Variants in ATPSCKMT observed in about 807,000 individuals in gnomAD.
ATPSCKMT encodes ATP synthase subunit C lysine N-methyltransferase.
Under a neutral mutation model 24.3 loss-of-function variants are expected in ATPSCKMT, and 24 were observed. That is an observed-to-expected ratio of 0.99 (90% CI 0.71 to 1.39). The LOEUF is 1.39. ATPSCKMT is among the 40% of genes most tolerant of loss of function. The pLI, the probability that ATPSCKMT is intolerant of heterozygous loss-of-function variation, is 0.00. For synonymous variants in ATPSCKMT, 95 were observed against 110.5 expected (o/e 0.86, Z 0.88); for missense variants, 311 against 298.4 (o/e 1.04, Z -0.31).
At chr5:10,237,777 C>T (rs1042304667) in intron 2 of ATPSCKMT, among the ~76,000 whole-genome samples, 2 of 151,476 alleles carry the variant, frequency 1.3e-5, no homozygotes, top group African/African-American at 4.8e-5. Flanking sequence ...GATGGAGTCT[C>T]GCTCTGTCAC....
At chr5:10,238,259 G>A (rs886162759) in intron 2 of ATPSCKMT, among the ~76,000 whole-genome samples, 5 of 152,006 alleles carry the variant, frequency 3.3e-5, no homozygotes, top group African/African-American at 1.2e-4. Flanking sequence ...ACTACGGTAT[G>A]TGTATCTTAA....
chr5:10,239,842 T>C (rs945695170), intron 1 of ATPSCKMT, among the ~76,000 whole-genome samples: 1 of 152,142 alleles, frequency 6.6e-6, no homozygotes, highest in African/African-American at 2.4e-5. Context: ...CCAATACAAT[T>C]TTAAAGTAAT....
chr5:10,239,003 C>T (rs1320685098), intron 2 of ATPSCKMT, 64 bp downstream of exon 2: 2 of 1,556,458 alleles, frequency 1.3e-6, no homozygotes, highest in Admixed American at 1.9e-5. Context: ...GTAAGCCTTA[C>T]TAAATGTAAA....
chr5:10,235,110 G>T, intron 4 of ATPSCKMT, 101 bp downstream of exon 4: 1 of 985,024 alleles, frequency 1.0e-6, no homozygotes, highest in Non-Finnish European at 1.6e-6. Context: ...TAAAATCTCT[G>T]GGAGGCCATC....
intron 1 of ATPSCKMT, among the ~76,000 whole-genome samples, chr5:10,242,321 G>A (rs1374801657): frequency 1.3e-5 from 2 of 152,148 alleles, no homozygotes; most frequent in African/African-American, 4.8e-5. Context: ...TAAGTTCTTT[G>A]TCATCATTTC....
chr5:10,231,147 G>A (rs946370394), intron 4 of ATPSCKMT, among the ~76,000 whole-genome samples: 1 of 152,008 alleles, frequency 6.6e-6, no homozygotes, highest in Non-Finnish European at 1.5e-5. Context: ...TAAGGTGCTA[G>A]ACACAAGCTT....
At chr5:10,235,117 C>G in intron 4 of ATPSCKMT, 94 bp downstream of exon 4, 1 of 1,088,708 alleles carries the variant, frequency 9.2e-7, no homozygotes, top group Non-Finnish European at 1.4e-6. Context: ...TCTGGGAGGC[C>G]ATCACCCTCA....
chr5:10,242,048 G>C (rs1409551181), intron 1 of ATPSCKMT, among the ~76,000 whole-genome samples: 2 of 152,162 alleles, frequency 1.3e-5, no homozygotes, highest in African/African-American at 4.8e-5. Context: ...TCTTTTCACT[G>C]GTGTAGGATC....
At chr5:10,244,934 A>C (rs1023794284) in intron 1 of ATPSCKMT, among the ~76,000 whole-genome samples, 12 of 151,490 alleles carry the variant, frequency 7.9e-5, no homozygotes, top group Non-Finnish European at 1.8e-4. Flanking sequence ...AGAAAAGTCA[A>C]GGCACATTTG....
chr5:10,245,273 A>T (rs930543562), intron 1 of ATPSCKMT, among the ~76,000 whole-genome samples: 1 of 152,056 alleles, frequency 6.6e-6, no homozygotes, highest in Non-Finnish European at 1.5e-5. Flanking sequence ...CAAAAAAATT[A>T]GCCGGGCATG....
At chr5:10,238,211 C>T (rs1053299785) in intron 2 of ATPSCKMT, among the ~76,000 whole-genome samples, 1 of 152,074 alleles carries the variant, frequency 6.6e-6, no homozygotes, top group African/African-American at 2.4e-5. Context: ...TGCTTCACAC[C>T]CCGAACCGTA....
chr5:10,243,477 A>T (rs1210086035), intron 1 of ATPSCKMT, among the ~76,000 whole-genome samples: 1 of 137,180 alleles, frequency 7.3e-6, no homozygotes, highest in Non-Finnish European at 1.6e-5. Context: ...ACTCCGTCTC[A>T]AAAGAAAAAA....
At position 10,247,023 on chromosome 5, in the gene ATPSCKMT, A is replaced by T. The variant is rs148082515; in HGVS notation, c.16+2835T>A. Among the ~76,000 whole-genome samples, 110 of 152,342 alleles carry T rather than the reference A, an allele frequency of 7.2e-4. 3 individuals are homozygous for T. The East Asian group carries it at 0.017, about 23-fold the overall frequency. On this transcript the variant is annotated intron_variant, in intron 1 of 4. Coordinates refer to ENST00000511437, the MANE Select transcript of ATPSCKMT (RefSeq NM_199133.4). ...GCCTTTCTGGAGCACAGAGTGAGAGACAAACAGGAAGGCAGGCCTCTGAAG... is the reference window on the plus strand; with the variant it reads ...GCCTTTCTGGAGCACAGAGTGAGAGTCAAACAGGAAGGCAGGCCTCTGAAG...
At chr5:10,228,912 G>A (rs2126417879) in intron 4 of ATPSCKMT, among the ~76,000 whole-genome samples, 1 of 152,248 alleles carries the variant, frequency 6.6e-6, no homozygotes, top group South Asian at 2.1e-4. Flanking sequence ...CTACAGGCGT[G>A]AGCCACTGCA....
intron 1 of ATPSCKMT, among the ~76,000 whole-genome samples, chr5:10,245,949 G>T (rs1393155321): frequency 6.6e-6 from 1 of 152,028 alleles, no homozygotes; most frequent in African/African-American, 2.4e-5. Context: ...CATACAATTT[G>T]CCTGCTTAAA....
intron 1 of ATPSCKMT, 155 bp downstream of exon 1, chr5:10,249,703 G>A: frequency 2.5e-6 from 3 of 1,222,450 alleles, no homozygotes; most frequent in Non-Finnish European, 2.2e-6. Flanking sequence ...CGGCGACCAG[G>A]AGCTCTGGTC....
chr5:10,227,293 G>T lies in ATPSCKMT; in HGVS notation c.*148C>A. 1.2e-6 allele frequency: 1 copy of T among 820,196 alleles called. No individual in the cohort carries two copies. 50.8% of individuals were successfully genotyped at this position (820,196 alleles called of 1,614,324 possible). A position where few individuals can be genotyped will look rare whatever the true frequency, so the allele number is the denominator to read the frequency against. On this transcript the variant is annotated 3_prime_UTR_variant, in exon 5 of 5. Transcript: ENST00000511437. Reference sequence around the variant, plus strand: ...ATTTTAAATCTACCTGTTTTTCTTCGTTTGTTTTCTCCAACAGTTAAGGAA... The same window carrying T: ...ATTTTAAATCTACCTGTTTTTCTTCTTTTGTTTTCTCCAACAGTTAAGGAA...
chr5:10,237,715 A>G (rs1303427975), intron 2 of ATPSCKMT, among the ~76,000 whole-genome samples: 1 of 151,972 alleles, frequency 6.6e-6, no homozygotes, highest in African/African-American at 2.4e-5. Context: ...AGTCTCAGGT[A>G]TGTCTTTATC....
At chr5:10,248,558 C>T (rs899838554) in intron 1 of ATPSCKMT, 1 of 152,294 alleles carries the variant, frequency 6.6e-6, no homozygotes, top group Non-Finnish European at 1.5e-5. Flanking sequence ...TCAGTCCTCC[C>T]TGTTTTTAGA....
Sources: gnomAD v4.1 joint callset for allele counts (sites outside exome capture counted in the v4.1 genomes callset) on GRCh38, gnomAD v4.1.1 for gene constraint, MANE v1.5 for transcripts, NCBI Gene and HGNC (gene_info 2026-07-23, HGNC 2026-07-21) for gene names.